Variants in MYOM1 observed in about 807,000 individuals in gnomAD.
The protein encoded by MYOM1 is myomesin-1.
MYOM1 carries 164 observed loss-of-function variants against 205.3 expected under a neutral mutation model. The ratio of observed to expected loss-of-function variants is 0.80; its 90% CI spans 0.70 to 0.91. The LOEUF (loss-of-function observed/expected upper bound fraction) is 0.91, where lower values mean the gene tolerates loss of function less well. Among genes scored for constraint, MYOM1 ranks in the 40% least tolerant of loss-of-function variants. The pLI is 0.00. For synonymous variants in MYOM1, 772 were observed against 789.4 expected (o/e 0.98, Z 0.37); for missense variants, 2,011 against 2,127.3 (o/e 0.95, Z 1.08).
chr18:3,197,222 T>C (rs2081000756), intron 2 of MYOM1, among the ~76,000 whole-genome samples: 2 of 151,424 alleles, frequency 1.3e-5, no homozygotes, highest in Non-Finnish European at 2.9e-5. Context: ...CTGCAACCTC[T>C]GCCTCCCGAG....
At chr18:3,150,874 G>A (rs939445432) in intron 12 of MYOM1, among the ~76,000 whole-genome samples, 1 of 151,536 alleles carries the variant, frequency 6.6e-6, no homozygotes, top group Non-Finnish European at 1.5e-5. Context: ...GAGTGCAATG[G>A]TGTAATCACA....
chr18:3,208,392 T>C (rs545010676), intron 2 of MYOM1, among the ~76,000 whole-genome samples: 45 of 152,300 alleles, frequency 3.0e-4, no homozygotes, highest in African/African-American at 1.0e-3. Flanking sequence ...CACGCGCCTA[T>C]AGTTCCAGCT....
chr18:3,172,556 C>T (rs552050174), intron 8 of MYOM1, among the ~76,000 whole-genome samples: 1 of 152,136 alleles, frequency 6.6e-6, no homozygotes, highest in East Asian at 1.9e-4. Context: ...GTTGCCCAGG[C>T]TGGAATGCAG....
intron 2 of MYOM1, among the ~76,000 whole-genome samples, chr18:3,195,317 T>C (rs764140387): frequency 6.6e-6 from 1 of 152,220 alleles, no homozygotes; most frequent in African/African-American, 2.4e-5. Context: ...TGATGAGCAT[T>C]AAAACTAAAG....
intron 28 of MYOM1, 61 bp from the exon 29 acceptor site, chr18:3,089,302 C>T (rs943037359): frequency 7.5e-7 from 1 of 1,329,116 alleles, no homozygotes; most frequent in Admixed American, 1.8e-5. Context: ...AATCAAAGCT[C>T]ACACTTAAGT....
rs1257757083 is a variant in MYOM1 at position 3,152,136 on chromosome 18, A to AG, written c.1644-244dup. On this transcript the variant is annotated intron_variant, in intron 11 of 37. Transcript: ENST00000356443. This position sits in a 1 kb window ranked among gnomAD's most constrained non-coding sequence, Gnocchi z 4.3. ...TGAACTCGTAAAAAGCAGGCATCTG[A>AG]GGGGCCTTGTGTAGAAAGCAGAGGG... 6.6e-6 allele frequency among the ~76,000 whole-genome samples: 1 copy of AG among 152,102 alleles called. No individual in the cohort carries two copies.
chr18:3,104,745 C>CTT (rs745369627), intron 22 of MYOM1, among the ~76,000 whole-genome samples: 16,404 of 80,610 alleles, frequency 0.2, 3,609 homozygotes, highest in African/African-American at 0.27. Flanking sequence ...GAATTGGAAT[C>CTT]TTTTTTTTTT....
At chr18:3,085,492 G>A (rs762746731) in intron 30 of MYOM1, among the ~76,000 whole-genome samples, 1 of 151,952 alleles carries the variant, frequency 6.6e-6, no homozygotes, top group Non-Finnish European at 1.5e-5. Flanking sequence ...CTTGTGAGTG[G>A]TGAACCGTTC....
the MYOM1 span, among the ~76,000 whole-genome samples, chr18:3,236,182 A>C: frequency 2.0e-5 from 3 of 152,192 alleles, no homozygotes; most frequent in Admixed American, 2.0e-4. Context: ...TTCACCATGG[A>C]GGGTGTCAGG....
the MYOM1 span, among the ~76,000 whole-genome samples, chr18:3,229,689 G>A: frequency 6.6e-6 from 1 of 152,272 alleles, no homozygotes; most frequent in Non-Finnish European, 1.5e-5. Context: ...GTGAGATGTG[G>A]CCGGGCGCGG....
chr18:3,167,662 G>A (rs1248161414), intron 9 of MYOM1, among the ~76,000 whole-genome samples: 1 of 152,334 alleles, frequency 6.6e-6, no homozygotes, highest in South Asian at 2.1e-4. Flanking sequence ...TGGGATTACA[G>A]GTGTGAGCCG....
At chr18:3,091,582 T>C (rs1162803211) in intron 26 of MYOM1, among the ~76,000 whole-genome samples, 3 of 152,180 alleles carry the variant, frequency 2.0e-5, no homozygotes. Context: ...AAGGGAAATA[T>C]TATGTGGAGT....
At chr18:3,214,826 C>T in intron 2 of MYOM1, 108 bp downstream of exon 2, 1 of 1,341,408 alleles carries the variant, frequency 7.5e-7, no homozygotes, top group Non-Finnish European at 9.9e-7. Context: ...AACTCTGTCT[C>T]AAAAAACCAA....
intron 2 of MYOM1, among the ~76,000 whole-genome samples, chr18:3,212,948 G>A (rs1047341505): frequency 2.0e-5 from 3 of 152,194 alleles, no homozygotes; most frequent in Non-Finnish European, 2.9e-5. Flanking sequence ...GGCAGAATAT[G>A]ACCTATGAAA....
chr18:3,071,362 C>T (rs2078957040), intron 37 of MYOM1, among the ~76,000 whole-genome samples: 1 of 151,492 alleles, frequency 6.6e-6, no homozygotes, highest in Admixed American at 6.6e-5. Flanking sequence ...ATTGGAAAAC[C>T]GACTGATTTT....
Position 3,079,318 on chromosome 18 carries a change from G to A in MYOM1, c.4509C>T (p.Asp1503=), listed in dbSNP as rs372479799. ...SHNGSAIRYS[D]RVKTGVTGEQ... is the part of the protein sequence containing the mutation. ...CTCCAGTGACCCCGGTCTTAACTCT[G>A]TCTGAGTACCTAATGGCGGACCCAC... Residue 1503 remains aspartate (D), a synonymous_variant, in exon 34 of 38, where the codon GAC becomes GAT. Coordinates refer to ENST00000356443, the MANE Select transcript of MYOM1 (RefSeq NM_003803.4). 89 of 1,613,078 alleles carry A rather than the reference G, an allele frequency of 5.5e-5. No homozygotes were observed. The highest frequency in any genetic ancestry group is 6.5e-5 in the Non-Finnish European group (77 of 1,179,312).
chr18:3,209,300 G>A lies in MYOM1; in HGVS notation c.290+5634C>T, dbSNP rs564804080. Among the ~76,000 whole-genome samples the A allele has an allele frequency of 9.2e-5, 14 of 152,292 alleles. No individual in the cohort carries two copies. Among genetic ancestry groups the A allele is most frequent in the African/African-American group, 3.4e-4 (14 of 41,570 alleles). On this transcript the variant is annotated intron_variant, in intron 2 of 37. Transcript: ENST00000356443. This position sits in a 1 kb window ranked among gnomAD's most constrained non-coding sequence, Gnocchi z 4.0. ...TCTGGGAGAAATCTGACGGAATTCA[G>A]AACTCAGCCATGACCAGTAGATCCT...
At chr18:3,127,305 A>ATATATATATATATATATATT (rs56880961) in intron 18 of MYOM1, among the ~76,000 whole-genome samples, 2 of 47,568 alleles carry the variant, frequency 4.2e-5, no homozygotes, top group Non-Finnish European at 7.3e-5. Flanking sequence ...ATATATATAT[A>ATATATATATATATATATATT]TTTTTTTTTT....
chr18:3,080,615 A>G (rs144327393), intron 33 of MYOM1, among the ~76,000 whole-genome samples: 3,218 of 152,010 alleles, frequency 0.021, 111 homozygotes, highest in African/African-American at 0.073. Context: ...CGGAGGTTGC[A>G]ATGAACCGAG....
Sources: allele counts gnomAD v4.1 joint callset (sites outside exome capture counted in the v4.1 genomes callset), GRCh38; gene constraint gnomAD v4.1.1; non-coding constraint Gnocchi (gnomAD v3.1); transcripts MANE v1.5; gene names NCBI Gene and HGNC (gene_info 2026-07-23, HGNC 2026-07-21).